ARB2A: variants seen among roughly 807,000 people sequenced by gnomAD.
ARB2A encodes the protein cotranscriptional regulator ARB2A.
chr5:93,619,731 C>T, the ARB2A span: 1 of 152,118 alleles, frequency 6.6e-6, no homozygotes, highest in Non-Finnish European at 1.5e-5. Context: ...CTTAACATCT[C>T]CTGTATTTCA....
the ARB2A span, among the ~76,000 whole-genome samples, chr5:94,104,317 G>A: frequency 5.3e-5 from 8 of 150,578 alleles, no homozygotes; most frequent in East Asian, 1.6e-3. Context: ...ATGACAAAGT[G>A]AACATTACAA....
the ARB2A span, among the ~76,000 whole-genome samples, chr5:93,819,150 C>A: frequency 7.7e-6 from 1 of 129,144 alleles, no homozygotes; most frequent in East Asian, 2.4e-4. Flanking sequence ...CGCGCCACTG[C>A]ACTCCAGCCT....
chr5:94,106,397 A>T, the ARB2A span, among the ~76,000 whole-genome samples: 1 of 152,346 alleles, frequency 6.6e-6, no homozygotes, highest in African/African-American at 2.4e-5. Context: ...ACTGAGCTTT[A>T]GAGAAATGCA....
chr5:93,875,271 G>A, the ARB2A span, among the ~76,000 whole-genome samples: 5 of 151,758 alleles, frequency 3.3e-5, no homozygotes, highest in South Asian at 2.1e-4. Context: ...TCACTCTGTC[G>A]CCCAGGGTGG....
At chr5:93,795,602 T>C in the ARB2A span, among the ~76,000 whole-genome samples, 1 of 152,148 alleles carries the variant, frequency 6.6e-6, no homozygotes, top group Non-Finnish European at 1.5e-5. Flanking sequence ...GCCATCTTAA[T>C]CCTCTACATT....
chr5:93,805,374 C>A, the ARB2A span: 2 of 985,070 alleles, frequency 2.0e-6, no homozygotes, highest in Non-Finnish European at 2.4e-6. Context: ...TTACCTTTTT[C>A]ATGTTTCCCA....
the ARB2A span, among the ~76,000 whole-genome samples, chr5:93,899,234 G>C: frequency 6.6e-6 from 1 of 151,948 alleles, no homozygotes; most frequent in Non-Finnish European, 1.5e-5. Flanking sequence ...AGAAACATTT[G>C]GTATCCATTA....
the ARB2A span, among the ~76,000 whole-genome samples, chr5:93,680,006 A>G: frequency 6.6e-6 from 1 of 152,110 alleles, no homozygotes; most frequent in Non-Finnish European, 1.5e-5. Context: ...GATCTCACAG[A>G]AGGTGATTTT....
At chr5:93,918,100 C>T in the ARB2A span, among the ~76,000 whole-genome samples, 1 of 152,076 alleles carries the variant, frequency 6.6e-6, no homozygotes, top group African/African-American at 2.4e-5. Context: ...TTTCTTTATT[C>T]CTAAGTTTAT....
chr5:93,656,046 C>T, the ARB2A span, among the ~76,000 whole-genome samples: 1 of 152,160 alleles, frequency 6.6e-6, no homozygotes, highest in African/African-American at 2.4e-5. Flanking sequence ...CACTGTGTCT[C>T]CTCCCAGTGC....
chr5:93,803,836 T>C, the ARB2A span, among the ~76,000 whole-genome samples: 1 of 151,992 alleles, frequency 6.6e-6, no homozygotes, highest in Admixed American at 6.6e-5. Context: ...GTCAGGTTTT[T>C]CTTTTTGTAG....
At chr5:94,003,373 G>T in the ARB2A span, among the ~76,000 whole-genome samples, 1 of 151,924 alleles carries the variant, frequency 6.6e-6, no homozygotes, top group Non-Finnish European at 1.5e-5. Context: ...ATAACAAAAG[G>T]AAATCAAAAA....
chr5:93,838,066 T>C, the ARB2A span, among the ~76,000 whole-genome samples: 1 of 152,150 alleles, frequency 6.6e-6, no homozygotes, highest in Non-Finnish European at 1.5e-5. Context: ...TGTCTTTGTC[T>C]TGAAATCTTT....
At chr5:93,836,875 A>G in the ARB2A span, among the ~76,000 whole-genome samples, 2 of 152,234 alleles carry the variant, frequency 1.3e-5, no homozygotes, top group African/African-American at 4.8e-5. Flanking sequence ...AACTTTAAAC[A>G]TAATGAAAAT....
At chr5:93,853,565 G>T in the ARB2A span, among the ~76,000 whole-genome samples, 12 of 152,204 alleles carry the variant, frequency 7.9e-5, no homozygotes, top group East Asian at 1.9e-4. Context: ...TCCAGTTTTT[G>T]CCCATTCAGT....
the ARB2A span, among the ~76,000 whole-genome samples, chr5:94,070,839 T>C: frequency 6.6e-6 from 1 of 151,920 alleles, no homozygotes; most frequent in African/African-American, 2.4e-5. Flanking sequence ...TTAAACCACA[T>C]AGAAACAAAA....
At chr5:93,969,542 T>TA in the ARB2A span, among the ~76,000 whole-genome samples, 3 of 152,104 alleles carry the variant, frequency 2.0e-5, no homozygotes, top group Non-Finnish European at 4.4e-5. Flanking sequence ...CTCAAGGAAT[T>TA]AGAGTCTGAC....
chr5:93,968,479 G>A, the ARB2A span, among the ~76,000 whole-genome samples: 3 of 152,228 alleles, frequency 2.0e-5, no homozygotes, highest in South Asian at 6.2e-4. Flanking sequence ...AAGACTCAAT[G>A]AGCTTAAAGA....
chr5:94,040,766 T>C, the ARB2A span, among the ~76,000 whole-genome samples: 3 of 152,264 alleles, frequency 2.0e-5, no homozygotes, highest in African/African-American at 4.8e-5. Context: ...AGGGCAACTA[T>C]CTTGCCCAGA....
Sources: allele counts gnomAD v4.1 joint callset (sites outside exome capture counted in the v4.1 genomes callset), GRCh38; gene constraint gnomAD v4.1.1; transcripts MANE v1.5; gene names NCBI Gene and HGNC (gene_info 2026-07-23, HGNC 2026-07-21).